The following GCNT2 variants were observed in gnomAD, a reference collection of about 807,000 sequenced individuals.
GCNT2 encodes the protein glucosaminyl (N-acetyl) transferase 2 (I blood group), also known as N-acetyllactosaminide beta-1,6-N-acetylglucosaminyl-transferase.
A neutral mutation model predicts 34.2 loss-of-function variants in GCNT2; 34 were observed. The ratio of observed to expected loss-of-function variants is 1.00; its 90% confidence interval spans 0.76 to 1.32. GCNT2 has a LOEUF of 1.32. GCNT2 is among the 40% of genes most tolerant of loss of function. The pLI is 0.00. For synonymous variants in GCNT2, 212 were observed against 188.0 expected (o/e 1.13, Z -1.04); for missense variants, 584 against 489.4 (o/e 1.19, Z -1.82).
chr6:10,564,390 G>T (rs1763185352), intron 3 of GCNT2, among the ~76,000 whole-genome samples: 1 of 152,178 alleles, frequency 6.6e-6, no homozygotes, highest in South Asian at 2.1e-4. Context: ...TGTTAGCTCA[G>T]ACCTGCGGGC....
intron 3 of GCNT2, among the ~76,000 whole-genome samples, chr6:10,582,971 A>G (rs1764186705): frequency 2.0e-5 from 3 of 152,096 alleles, no homozygotes; most frequent in South Asian, 4.1e-4. Flanking sequence ...TTGTGTAAAG[A>G]GGTTAAGTAA....
chr6:10,562,106 C>T (rs921618752), intron 3 of GCNT2, among the ~76,000 whole-genome samples: 1 of 152,242 alleles, frequency 6.6e-6, no homozygotes. Context: ...GCTGGATCAG[C>T]GAGTCAAACC....
intron 3 of GCNT2, among the ~76,000 whole-genome samples, chr6:10,573,989 G>C (rs1763673032): frequency 1.3e-5 from 2 of 152,208 alleles, no homozygotes; most frequent in East Asian, 1.9e-4. Context: ...AGATGAGCCA[G>C]GTTTGGCAAC....
At chr6:10,538,217 G>T (rs983995259) in intron 3 of GCNT2, among the ~76,000 whole-genome samples, 2 of 151,412 alleles carry the variant, frequency 1.3e-5, no homozygotes, top group Admixed American at 6.6e-5. Flanking sequence ...AGACCAGCCT[G>T]GCCAACGTGA....
rs568547927 is a variant in GCNT2 at position 10,621,443 on chromosome 6, G to T, written c.1018G>T (p.Gly340Cys). ...GGAAGACAGACACGGAGGCTGCCAC[G>T]GTGAGGCTCTCGTTCCATGCTTCTA... is the stretch of plus-strand genomic sequence containing the variant. ...DMEDRHGGCH[G>C]HYVHGICIYG... Residue 340 changes from glycine to cysteine, a missense_variant and splice_region_variant, in exon 4 of 5, where the codon GGC becomes TGC. Gly to Cys is a radical substitution (Grantham distance 159). Transcript: ENST00000495262. 6.2e-7 allele frequency: 1 copy of T among 1,600,012 alleles called. No homozygotes were observed. The highest frequency in any genetic ancestry group is 8.6e-7 in the Non-Finnish European group (1 of 1,167,318).
At chr6:10,613,660 C>T (rs896756047) in intron 3 of GCNT2, among the ~76,000 whole-genome samples, 4 of 152,118 alleles carry the variant, frequency 2.6e-5, no homozygotes, top group African/African-American at 9.7e-5. Context: ...ATAAAATTAA[C>T]AAGTGCATCG....
intron 3 of GCNT2, among the ~76,000 whole-genome samples, chr6:10,578,100 G>C (rs552135350): frequency 6.6e-6 from 1 of 152,002 alleles, no homozygotes; most frequent in Non-Finnish European, 1.5e-5. Context: ...GTAAAGAGTA[G>C]ATGAAACTGG....
intron 3 of GCNT2, among the ~76,000 whole-genome samples, chr6:10,601,413 CAT>C (rs1165748667): frequency 2.6e-5 from 4 of 152,112 alleles, no homozygotes; most frequent in Non-Finnish European, 4.4e-5. Flanking sequence ...TCTGAAAACA[CAT>C]GTGACAGACT....
At chr6:10,611,672 A>G (rs543826969) in intron 3 of GCNT2, among the ~76,000 whole-genome samples, 9 of 152,172 alleles carry the variant, frequency 5.9e-5, no homozygotes, top group Non-Finnish European at 1.0e-4. Flanking sequence ...TAGCAATCAG[A>G]ATAAGAGGCT....
intron 3 of GCNT2, among the ~76,000 whole-genome samples, chr6:10,546,386 C>T (rs1001021347): frequency 3.3e-5 from 5 of 152,144 alleles, no homozygotes; most frequent in African/African-American, 7.2e-5. Flanking sequence ...TGTCCAGGCA[C>T]GGTGGCTGAT....
intron 3 of GCNT2, chr6:10,586,641 G>T (rs1280019809): frequency 6.2e-7 from 1 of 1,614,170 alleles, no homozygotes; most frequent in East Asian, 2.2e-5. Flanking sequence ...TATCACCCCA[G>T]GGGTGCTGCC....
chr6:10,569,546 G>A (rs923343667), intron 3 of GCNT2, among the ~76,000 whole-genome samples: 1 of 152,202 alleles, frequency 6.6e-6, no homozygotes. Context: ...CAACAGCAAT[G>A]AGACAGTTCT....
At chr6:10,556,084 T>C in intron 3 of GCNT2, 1 of 1,202,736 alleles carries the variant, frequency 8.3e-7, no homozygotes, top group Non-Finnish European at 1.0e-6. Context: ...TATGGGAAAC[T>C]AAATCTGCCG....
intron 3 of GCNT2, among the ~76,000 whole-genome samples, chr6:10,593,227 C>T (rs1764722757): frequency 6.6e-6 from 1 of 152,178 alleles, no homozygotes; most frequent in African/African-American, 2.4e-5. Context: ...AAAGGATGAG[C>T]ATTCTTTCTA....
At chr6:10,539,091 A>G (rs1428140788) in intron 3 of GCNT2, among the ~76,000 whole-genome samples, 1 of 150,294 alleles carries the variant, frequency 6.7e-6, no homozygotes, top group Admixed American at 6.7e-5. Context: ...TTTACTCTCT[A>G]TTAGAGTTGG....
intron 3 of GCNT2, among the ~76,000 whole-genome samples, chr6:10,592,132 C>CT (rs1436900520): frequency 6.7e-6 from 1 of 149,442 alleles, no homozygotes; most frequent in Admixed American, 6.7e-5. Context: ...AATAACGCTA[C>CT]TTGGGGGGGC....
intron 3 of GCNT2, among the ~76,000 whole-genome samples, chr6:10,581,536 C>A (rs1291484717): frequency 6.6e-6 from 1 of 152,170 alleles, no homozygotes; most frequent in Non-Finnish European, 1.5e-5. Flanking sequence ...TCCCAAAATG[C>A]TGGGATTACC....
intron 3 of GCNT2, chr6:10,555,984 T>C: frequency 9.3e-7 from 1 of 1,070,098 alleles, no homozygotes. Context: ...CTGCCAGAGC[T>C]CATCACTTCA....
At chr6:10,530,395 T>C (rs933791023) in intron 3 of GCNT2, 1 of 152,906 alleles carries the variant, frequency 6.5e-6, no homozygotes, top group African/African-American at 2.4e-5. Context: ...ATGTAAACCT[T>C]ATTCTCCTTT....
Sources: gnomAD v4.1 joint callset for allele counts (sites outside exome capture counted in the v4.1 genomes callset) on GRCh38, gnomAD v4.1.1 for gene constraint, MANE v1.5 for transcripts, NCBI Gene and HGNC (gene_info 2026-07-23, HGNC 2026-07-21) for gene names.